The following RBM34 variants were observed in gnomAD, a reference collection of about 807,000 sequenced individuals.
The protein encoded by RBM34 is RNA-binding protein 34.
RBM34 carries 39 observed loss-of-function variants against 44.6 expected under a neutral mutation model. The observed-to-expected ratio is 0.87, with a 90% CI of 0.68 to 1.14. The LOEUF is 1.14. Among genes scored for constraint, RBM34 ranks in the 50% most tolerant of loss-of-function variants. RBM34 has a pLI of 0.00. For synonymous variants in RBM34, 194 were observed against 184.0 expected (o/e 1.05, Z -0.44); for missense variants, 572 against 517.9 (o/e 1.10, Z -1.01).
Position 235,155,041 on chromosome 1 carries a change from G to A in RBM34, c.437C>T (p.Ser146Phe). ...HQKQGQKRKN[S>F]QPGVKVADRK... ...ATCTGCTACTTTAACACCAGGTTGA[G>A]AATTTTTCCTTTTCTGCCCTTGTTT... is the stretch of plus-strand genomic sequence containing the variant. The change falls in exon 4 of 11, where the codon TCT (serine) becomes TTT (phenylalanine). Residue 146 changes from serine (S) to phenylalanine (F), a missense_variant. Physicochemically the swap from Ser to Phe is radical, Grantham distance 155. Coordinates refer to ENST00000408888, the MANE Select transcript of RBM34 (RefSeq NM_015014.4). 6.2e-7 allele frequency: 1 copy of A among 1,614,044 alleles called. No individual in the cohort carries two copies. The highest frequency in any genetic ancestry group is 8.5e-7 in the Non-Finnish European group (1 of 1,180,010).
chr1:235,143,539 C>T (rs923529810), intron 6 of RBM34, among the ~76,000 whole-genome samples: 3 of 152,188 alleles, frequency 2.0e-5, no homozygotes, highest in African/African-American at 7.2e-5. Flanking sequence ...AGTTTTAGAC[C>T]AGCCTGGCCA....
At chr1:235,151,808 G>C (rs753262649) in intron 5 of RBM34, among the ~76,000 whole-genome samples, 1 of 152,080 alleles carries the variant, frequency 6.6e-6, no homozygotes, top group African/African-American at 2.4e-5. Flanking sequence ...TGAGGCAGGC[G>C]AATCACCTGA....
chr1:235,156,042 T>C (rs969192393), intron 3 of RBM34, among the ~76,000 whole-genome samples: 11 of 148,716 alleles, frequency 7.4e-5, no homozygotes, highest in African/African-American at 2.7e-4. Flanking sequence ...AGCTAATTTT[T>C]TTTTTTTAGC....
intron 3 of RBM34, chr1:235,160,122 C>T (rs1300865793): frequency 9.0e-6 from 3 of 334,922 alleles, no homozygotes; most frequent in East Asian, 7.6e-5. Context: ...GGCATGGTGA[C>T]GCAGGCCTGT....
chr1:235,152,775 A>T lies in RBM34; in HGVS notation c.598-10T>A. On this transcript the variant is annotated splice_polypyrimidine_tract_variant and intron_variant, in intron 4 of 10. Transcript: ENST00000408888. ...AAAACGACTTCAGCTTCTAAAATTA[A>T]AAAAAAAAATACACATTAGCTGACC... 1.3e-6 allele frequency: 2 copies of T among 1,530,880 alleles called. No individual in the cohort carries two copies. Among genetic ancestry groups the T allele is most frequent in the Admixed American group, 2.1e-5 (1 of 48,602 alleles). The allele number at this position is 1,530,880 out of a possible 1,614,324, so 94.8% of individuals were successfully genotyped here. A position where few individuals can be genotyped will look rare whatever the true frequency, so the allele number is the denominator to read the frequency against.
intron 4 of RBM34, among the ~76,000 whole-genome samples, chr1:235,153,411 A>G (rs1414494981): frequency 6.6e-6 from 1 of 152,038 alleles, no homozygotes; most frequent in Non-Finnish European, 1.5e-5. Flanking sequence ...ACATTGGTTT[A>G]AACCAGGAAT....
At chr1:235,138,517 A>G (rs1661532207) in intron 6 of RBM34, among the ~76,000 whole-genome samples, 1 of 152,240 alleles carries the variant, frequency 6.6e-6, no homozygotes, top group African/African-American at 2.4e-5. Flanking sequence ...CAGTTGTGAA[A>G]GACGTGAGTT....
intron 3 of RBM34, among the ~76,000 whole-genome samples, chr1:235,156,152 G>C (rs1369313599): frequency 6.6e-6 from 1 of 151,128 alleles, no homozygotes; most frequent in Admixed American, 6.6e-5. Flanking sequence ...ACAGGCATGA[G>C]CCACCGCGCC....
chr1:235,138,245 GA>G, intron 6 of RBM34, 71 bp from the exon 7 acceptor site: 2 of 1,275,830 alleles, frequency 1.6e-6, no homozygotes, highest in Non-Finnish European at 2.2e-6. Context: ...AAAGTCACTA[GA>G]AAAAAATCTA....
chr1:235,136,861 T>G (rs1661452340), intron 8 of RBM34, among the ~76,000 whole-genome samples: 1 of 152,234 alleles, frequency 6.6e-6, no homozygotes, highest in Admixed American at 6.5e-5. Context: ...CACCTAATAA[T>G]TGTACCAAGC....
Position 235,161,184 on chromosome 1 carries a change from C to T in RBM34, c.43G>A (p.Val15Ile), listed in dbSNP as rs2102871690. ...GMSKRKRKRS[V>I]QEGENPDDGV... ...CCGCGCGCCACTCACCCCTCCTGGA[C>T]ACTTCTCTTTCTCTTCCGTTTGCTC... Residue 15 changes from valine (V) to isoleucine (I), a missense_variant, in exon 1 of 11, where the codon GTC becomes ATC. By Grantham distance (29) the Val-to-Ile change is conservative. Coordinates refer to ENST00000408888, the MANE Select transcript of RBM34 (RefSeq NM_015014.4). The T allele has an allele frequency of 6.2e-7, 1 of 1,607,320 alleles. No homozygotes were observed. Among genetic ancestry groups the T allele is most frequent in the Non-Finnish European group, 8.5e-7 (1 of 1,175,616 alleles).
chr1:235,142,848 A>C (rs1661743795), intron 6 of RBM34, among the ~76,000 whole-genome samples: 1 of 149,232 alleles, frequency 6.7e-6, no homozygotes, highest in South Asian at 2.1e-4. Flanking sequence ...GAATCAGTTG[A>C]ACCCGGGAGG....
chr1:235,149,388 CAA>C (rs1171671362), intron 5 of RBM34, among the ~76,000 whole-genome samples: 183 of 57,960 alleles, frequency 3.2e-3, no homozygotes, highest in African/African-American at 0.01. Context: ...GACTCCGTCT[CAA>C]AAAAAAAAAA....
Position 235,131,702 on chromosome 1 carries a change from G to T in RBM34, c.*11C>A, listed in dbSNP as rs2102819140. ...GTACTCAGCAGGAAAAGAAAAAGCA[G>T]TTCCTGGTTGTTATTTCTGTTTTCT... On this transcript the variant is annotated 3_prime_UTR_variant, in exon 11 of 11. Coordinates refer to ENST00000408888, the MANE Select transcript of RBM34 (RefSeq NM_015014.4). The T allele has an allele frequency of 1.3e-6, 2 of 1,579,632 alleles. No homozygotes were observed. Among genetic ancestry groups the T allele is most frequent in the Middle Eastern group, 3.4e-4 (2 of 5,862 alleles).
At chr1:235,142,360 C>G (rs1013586146) in intron 6 of RBM34, among the ~76,000 whole-genome samples, 24 of 152,102 alleles carry the variant, frequency 1.6e-4, no homozygotes, top group Non-Finnish European at 2.5e-4. Context: ...CTCACTGCAA[C>G]CTCTAACTCC....
chr1:235,132,098 GCA>G, intron 10 of RBM34, 101 bp from the exon 11 acceptor site: 2 of 1,120,394 alleles, frequency 1.8e-6, no homozygotes, highest in Non-Finnish European at 1.3e-6. Context: ...TTTCAAGCTT[GCA>G]CAGATAAGCC....
intron 6 of RBM34, among the ~76,000 whole-genome samples, chr1:235,145,062 A>G (rs1661846021): frequency 6.6e-6 from 1 of 152,202 alleles, no homozygotes; most frequent in Non-Finnish European, 1.5e-5. Context: ...AATTAAATAA[A>G]TAAACAAATA....
Position 235,161,193 on chromosome 1 carries a change from T to C in RBM34, c.34A>G (p.Lys12Glu). The C allele has an allele frequency of 1.2e-6, 2 of 1,609,278 alleles. No homozygotes were observed. The highest frequency in any genetic ancestry group is 1.7e-6 in the Non-Finnish European group (2 of 1,177,054). Residue 12 changes from lysine (K) to glutamate (E), a missense_variant, in exon 1 of 11, where the codon AAG (lysine) becomes GAG (glutamate). Transcript: ENST00000408888. Reference protein sequence around the residue: ...ALEGMSKRKRKRSVQEGENPD... With the variant: ...ALEGMSKRKRERSVQEGENPD... ...ACTCACCCCTCCTGGACACTTCTCT[T>C]TCTCTTCCGTTTGCTCATCCCTTCC... is the stretch of plus-strand genomic sequence containing the variant.
chr1:235,151,379 GTCTA>G (rs1359533271), intron 5 of RBM34, among the ~76,000 whole-genome samples: 2 of 152,146 alleles, frequency 1.3e-5, no homozygotes, highest in Non-Finnish European at 2.9e-5. Context: ...TCAGCCAAAG[GTCTA>G]ATACAGGGAA....
Sources: allele counts gnomAD v4.1 joint callset (sites outside exome capture counted in the v4.1 genomes callset), GRCh38; gene constraint gnomAD v4.1.1; transcripts MANE v1.5; gene names NCBI Gene and HGNC (gene_info 2026-07-23, HGNC 2026-07-21).